Variants in CBFA2T3 observed in about 807,000 individuals in gnomAD.
CBFA2T3 encodes the protein CBFA2/RUNX1 partner transcriptional co-repressor 3.
A neutral mutation model predicts 58.6 loss-of-function variants in CBFA2T3; 31 were observed. The observed-to-expected ratio is 0.53, with a 90% CI of 0.40 to 0.71. The LOEUF (loss-of-function observed/expected upper bound fraction) is 0.71, where lower values mean the gene tolerates loss of function less well. CBFA2T3 is among the 30% of genes least tolerant of loss of function. The pLI is 0.00. For missense variants in CBFA2T3, 1,076 were observed against 963.1 expected (o/e 1.12, Z -1.55); for synonymous variants, 531 against 421.9 (o/e 1.26, Z -3.17).
At chr16:88,954,740 C>T (rs1216589615) in intron 1 of CBFA2T3, among the ~76,000 whole-genome samples, 7 of 43,256 alleles carry the variant, frequency 1.6e-4, no homozygotes, top group African/African-American at 8.2e-4. Flanking sequence ...CTCCTGACCC[C>T]ACCCAAGGCT....
intron 1 of CBFA2T3, among the ~76,000 whole-genome samples, chr16:88,934,455 C>T (rs1971429558): frequency 6.6e-6 from 1 of 152,252 alleles, no homozygotes; most frequent in African/African-American, 2.4e-5. Context: ...CAGCAGCCAG[C>T]AGGGCCACAC....
At chr16:88,896,405 C>T (rs1009118668) in intron 3 of CBFA2T3, among the ~76,000 whole-genome samples, 4 of 152,186 alleles carry the variant, frequency 2.6e-5, no homozygotes, top group East Asian at 1.9e-4. Context: ...CCCTCTGGAG[C>T]GCGCGGCACC....
At chr16:88,976,334 C>T (rs1352042332) in intron 1 of CBFA2T3, among the ~76,000 whole-genome samples, 1 of 152,266 alleles carries the variant, frequency 6.6e-6, no homozygotes, top group African/African-American at 2.4e-5. Flanking sequence ...CATCACTTCC[C>T]GGCTGCGGCC....
Position 88,899,557 on chromosome 16 carries a change from C to CT in CBFA2T3, c.305-1406dup, listed in dbSNP as rs1970019403. On this transcript the variant is annotated intron_variant, in intron 2 of 11. Coordinates refer to ENST00000268679, the MANE Select transcript of CBFA2T3 (RefSeq NM_005187.6). The stretch of plus-strand genomic sequence containing the variant: ...AGGACCCCAGCCCCAGGCATGCCGG[C>CT]TGCCCTCACATCCGTTCACAGGTCT... Among the ~76,000 whole-genome samples, 4 of 152,308 alleles carry CT rather than the reference C, an allele frequency of 2.6e-5. No individual in the cohort carries two copies. In the South Asian group the frequency reaches 8.3e-4, roughly 32 times the overall value.
At chr16:88,881,121 G>T in intron 9 of CBFA2T3, 170 bp downstream of exon 9, 1 of 751,048 alleles carries the variant, frequency 1.3e-6, no homozygotes, top group Non-Finnish European at 2.3e-6. Flanking sequence ...TGAGCTCCAG[G>T]CTTCCTGGCA....
chr16:88,909,430 C>T (rs1970448713), intron 1 of CBFA2T3, among the ~76,000 whole-genome samples: 1 of 152,218 alleles, frequency 6.6e-6, no homozygotes, highest in Non-Finnish European at 1.5e-5. Context: ...TGGCAAATCC[C>T]AGGCAACCCC....
chr16:88,973,021 C>T (rs575134947), intron 1 of CBFA2T3, among the ~76,000 whole-genome samples: 2 of 152,344 alleles, frequency 1.3e-5, no homozygotes, highest in South Asian at 2.1e-4. Context: ...GACACCCTGG[C>T]CGAGCTCTGC....
chr16:88,877,002 C>A lies in CBFA2T3; in HGVS notation c.1936G>T (p.Gly646Cys). The change falls in exon 12 of 12, where the codon GGC becomes TGC. Residue 646 changes from glycine to cysteine, a missense_variant. By Grantham distance (159) the Gly-to-Cys change is radical. Transcript: ENST00000268679. ...PSRPGSPSPP[G>C]PLDTVPR is the part of the protein sequence containing the mutation. The stretch of plus-strand genomic sequence containing the variant: ...CAGCGGGGCACGGTGTCCAGTGGGC[C>A]AGGTGGGCTGGGGGAGCCGGGGCGA... The A allele has an allele frequency of 1.4e-6, 2 of 1,467,694 alleles. No homozygotes were observed. Among genetic ancestry groups the A allele is most frequent in the South Asian group, 2.7e-5 (2 of 73,458 alleles). The allele number at this position is 1,467,694 out of a possible 1,614,324, so 90.9% of individuals were successfully genotyped here. A position where few individuals can be genotyped will look rare whatever the true frequency, so the allele number is the denominator to read the frequency against.
intron 5 of CBFA2T3, among the ~76,000 whole-genome samples, chr16:88,891,492 T>C (rs1408230901): frequency 2.6e-5 from 4 of 152,186 alleles, no homozygotes; most frequent in African/African-American, 7.2e-5. Context: ...TCCTGGGCCC[T>C]ATCCCCGAGC....
chr16:88,961,012 T>C (rs561856761), intron 1 of CBFA2T3, among the ~76,000 whole-genome samples: 3 of 152,242 alleles, frequency 2.0e-5, no homozygotes, highest in Non-Finnish European at 4.4e-5. Flanking sequence ...TTAACTGTAA[T>C]GCTATTCACT....
At chr16:88,926,086 C>A (rs540675331) in intron 1 of CBFA2T3, among the ~76,000 whole-genome samples, 6 of 152,266 alleles carry the variant, frequency 3.9e-5, no homozygotes, top group African/African-American at 9.6e-5. Flanking sequence ...GGGCGCTGGG[C>A]GGTCTCACGT....
At chr16:88,965,973 G>C (rs1328355473) in intron 1 of CBFA2T3, among the ~76,000 whole-genome samples, 1 of 152,222 alleles carries the variant, frequency 6.6e-6, no homozygotes, top group Non-Finnish European at 1.5e-5. Context: ...TGATGTCAGG[G>C]GAGGGGACGG....
intron 3 of CBFA2T3, among the ~76,000 whole-genome samples, chr16:88,894,051 C>T (rs931564964): frequency 6.6e-6 from 1 of 152,170 alleles, no homozygotes; most frequent in African/African-American, 2.4e-5. Context: ...CTCCCGCCTC[C>T]TGCAGAAGGA....
chr16:88,881,535 C>G, intron 8 of CBFA2T3, 46 bp from the exon 9 acceptor site: 1 of 1,556,920 alleles, frequency 6.4e-7, no homozygotes, highest in Non-Finnish European at 8.7e-7. Context: ...GGGACCGGGA[C>G]GCACCAGACA....
chr16:88,971,758 G>T (rs889283915), intron 1 of CBFA2T3, among the ~76,000 whole-genome samples: 13 of 152,228 alleles, frequency 8.5e-5, no homozygotes, highest in Non-Finnish European at 1.6e-4. Context: ...GCTGCCCCTG[G>T]CCGACGTCTC....
intron 5 of CBFA2T3, among the ~76,000 whole-genome samples, chr16:88,891,282 G>C (rs72813599): frequency 6.6e-6 from 1 of 151,934 alleles, no homozygotes; most frequent in African/African-American, 2.4e-5. Context: ...GCCTCTGCAC[G>C]TGCAGTTACT....
chr16:88,945,363 G>A (rs536268054), intron 1 of CBFA2T3, among the ~76,000 whole-genome samples: 3 of 152,348 alleles, frequency 2.0e-5, no homozygotes, highest in South Asian at 2.1e-4. Flanking sequence ...ACACTATGAA[G>A]AGAATGAAAA....
At chr16:88,940,298 G>A (rs1365338591) in intron 1 of CBFA2T3, 3 of 155,016 alleles carry the variant, frequency 1.9e-5, no homozygotes, top group Admixed American at 6.5e-5. Context: ...GCGGCTCTGA[G>A]TCGCCGCCAC....
At chr16:88,952,217 G>T (rs527445655) in intron 1 of CBFA2T3, among the ~76,000 whole-genome samples, 2 of 152,214 alleles carry the variant, frequency 1.3e-5, no homozygotes, top group Non-Finnish European at 2.9e-5. Context: ...TCTCCAAACC[G>T]CATGCATCCC....
Sources: gnomAD v4.1 joint callset for allele counts (sites outside exome capture counted in the v4.1 genomes callset) on GRCh38, gnomAD v4.1.1 for gene constraint, MANE v1.5 for transcripts, NCBI Gene and HGNC (gene_info 2026-07-23, HGNC 2026-07-21) for gene names.